ACSS3: variants seen among roughly 807,000 people sequenced by gnomAD.
ACSS3 encodes acyl-CoA synthetase short chain family member 3, also known as acyl-CoA synthetase short-chain family member 3, mitochondrial.
Under a neutral mutation model 84.2 loss-of-function variants are expected in ACSS3, and 64 were observed. The observed-to-expected ratio is 0.76, with a 90% CI of 0.62 to 0.94. ACSS3 has a LOEUF of 0.94. Ranked by LOEUF, ACSS3 falls within the 40% of genes least tolerant of loss-of-function variation. The probability of loss-of-function intolerance (pLI) is 0.00; values close to 1 mark genes in which losing one functional copy is unlikely to be tolerated. For missense variants in ACSS3, 815 were observed against 867.6 expected (o/e 0.94, Z 0.76); for synonymous variants, 317 against 310.1 (o/e 1.02, Z -0.23).
At chr12:81,207,741 A>C (rs2135918361) in intron 9 of ACSS3, among the ~76,000 whole-genome samples, 1 of 152,228 alleles carries the variant, frequency 6.6e-6, no homozygotes, top group South Asian at 2.1e-4. Flanking sequence ...TAGCTAGTTG[A>C]CATTAGAACC....
chr12:81,157,037 CA>C (rs201772671), intron 7 of ACSS3, among the ~76,000 whole-genome samples: 81 of 149,826 alleles, frequency 5.4e-4, no homozygotes, highest in African/African-American at 5.4e-4. Context: ...AAGTCAACGA[CA>C]AAAAAAAATA....
intron 8 of ACSS3, among the ~76,000 whole-genome samples, chr12:81,175,891 A>C (rs142572760): frequency 8.6e-4 from 131 of 152,284 alleles, no homozygotes; most frequent in African/African-American, 3.1e-3. Context: ...ACATGCCCAT[A>C]AAAAAGTTAG....
chr12:81,090,709 C>T (rs1217683626), intron 1 of ACSS3, among the ~76,000 whole-genome samples: 1 of 151,978 alleles, frequency 6.6e-6, no homozygotes, highest in Non-Finnish European at 1.5e-5. Flanking sequence ...TTTGCCTCTC[C>T]TTAGCTCATT....
chr12:81,211,995 T>C (rs2032611565), intron 9 of ACSS3, among the ~76,000 whole-genome samples: 1 of 152,194 alleles, frequency 6.6e-6, no homozygotes, highest in Admixed American at 6.5e-5. Context: ...CCTTCTCTTA[T>C]ATTCTTTTCC....
Position 81,259,630 on chromosome 12 carries a change from C to T in ACSS3, c.*4708C>T. 6.5e-7 allele frequency: 1 copy of T among 1,533,886 alleles called. No individual in the cohort carries two copies. Among genetic ancestry groups the T allele is most frequent in the Non-Finnish European group, 8.7e-7 (1 of 1,145,132 alleles). ...GCTCGTCTTCTTAGATGGTAGTGCACTTTAGGTAGAGTAGACTGAAAAGAC... is the reference window on the plus strand; with the variant it reads ...GCTCGTCTTCTTAGATGGTAGTGCATTTTAGGTAGAGTAGACTGAAAAGAC... On this transcript the variant is annotated 3_prime_UTR_variant, in exon 16 of 16. Coordinates refer to ENST00000548058, the MANE Select transcript of ACSS3 (RefSeq NM_024560.4).
intron 8 of ACSS3, among the ~76,000 whole-genome samples, chr12:81,196,195 A>T (rs1041773702): frequency 6.6e-6 from 1 of 152,130 alleles, no homozygotes; most frequent in African/African-American, 2.4e-5. Flanking sequence ...TTCTTCCTCC[A>T]GGCCAGTATA....
In ACSS3 at chr12:81,216,989, A is replaced by G. The variant is rs368353331; in HGVS notation, c.1443A>G (p.Gly481=). 1.1e-5 allele frequency: 18 copies of G among 1,608,568 alleles called. No homozygotes were observed. The highest frequency in any genetic ancestry group is 2.7e-5 in the African/African-American group (2 of 74,744). Reference sequence around the variant, plus strand: ...GGCAAGCAGGAAAAAGCGTCCCAGGATACAATGGTAAGGAATGACCCTGAT... The same window carrying G: ...GGCAAGCAGGAAAAAGCGTCCCAGGGTACAATGGTAAGGAATGACCCTGAT... ...PPGQAGKSVP[G]YNVMILDDNM... The change falls in exon 10 of 16, where the codon GGA becomes GGG. Residue 481 remains glycine (G), a synonymous_variant. Coordinates refer to ENST00000548058, the MANE Select transcript of ACSS3 (RefSeq NM_024560.4).
intron 7 of ACSS3, among the ~76,000 whole-genome samples, chr12:81,166,820 T>A (rs747305504): frequency 1.3e-5 from 2 of 152,242 alleles, no homozygotes; most frequent in Non-Finnish European, 1.5e-5. Flanking sequence ...TCAGGTTGAA[T>A]CGTAGTATGC....
At chr12:81,095,778 A>C (rs1315681557) in intron 1 of ACSS3, among the ~76,000 whole-genome samples, 1 of 152,184 alleles carries the variant, frequency 6.6e-6, no homozygotes, top group East Asian at 1.9e-4. Flanking sequence ...TTTCATGTCG[A>C]GATGGGACAA....
At chr12:81,244,653 C>T (rs1252142336) in intron 13 of ACSS3, among the ~76,000 whole-genome samples, 1 of 152,112 alleles carries the variant, frequency 6.6e-6, no homozygotes, top group African/African-American at 2.4e-5. Flanking sequence ...ATCTAGTTTA[C>T]AAATAAGTCC....
intron 5 of ACSS3, among the ~76,000 whole-genome samples, chr12:81,144,954 G>T (rs1886259877): frequency 7.3e-6 from 1 of 137,304 alleles, no homozygotes; most frequent in Non-Finnish European, 1.5e-5. Context: ...AGGCTGGAGT[G>T]CAGTGGCGCG....
Position 81,078,180 on chromosome 12 carries a change from C to A in ACSS3, c.60C>A (p.Pro20=). The change falls in exon 1 of 16, where the codon CCC becomes CCA. Residue 20 remains proline (P), a synonymous_variant. Coordinates refer to ENST00000548058, the MANE Select transcript of ACSS3 (RefSeq NM_024560.4). ...KVTSAGGLGG[P]LPGSSPARGA... The stretch of plus-strand genomic sequence containing the variant: ...CCAGCGCCGGGGGGCTCGGAGGGCC[C>A]TTGCCTGGGTCCTCTCCGGCCCGGG... 1 of 1,540,106 alleles carries A rather than the reference C, an allele frequency of 6.5e-7. No individual in the cohort carries two copies. The highest frequency in any genetic ancestry group is 8.7e-7 in the Non-Finnish European group (1 of 1,147,746).
intron 12 of ACSS3, among the ~76,000 whole-genome samples, chr12:81,232,562 A>T (rs2033501679): frequency 6.6e-6 from 1 of 151,676 alleles, no homozygotes; most frequent in South Asian, 2.1e-4. Flanking sequence ...AGAGCTCAGG[A>T]TGTGCCAGAG....
intron 11 of ACSS3, among the ~76,000 whole-genome samples, chr12:81,226,830 C>T (rs940636657): frequency 4.0e-5 from 6 of 151,830 alleles, no homozygotes; most frequent in African/African-American, 1.2e-4. Flanking sequence ...CAATTCATCA[C>T]ACCAGCTTTA....
In ACSS3 at chr12:81,259,551, TAA is replaced by T; in HGVS notation, c.*4630_*4631del. The T allele has an allele frequency of 7.5e-7, 1 of 1,340,320 alleles. No homozygotes were observed. Among genetic ancestry groups the T allele is most frequent in the Non-Finnish European group, 1.0e-6 (1 of 978,958 alleles). 83.0% of individuals were successfully genotyped at this position (1,340,320 alleles called of 1,614,324 possible). ...AAAAATCACATTTTTCAGCTTTTAA[TAA>T]GTCATGACGTCATTATTTCCTTAGA... On this transcript the variant is annotated 3_prime_UTR_variant, in exon 16 of 16. Transcript: ENST00000548058.
chr12:81,252,568 A>C (rs1430436642), intron 13 of ACSS3, among the ~76,000 whole-genome samples: 1 of 152,090 alleles, frequency 6.6e-6, no homozygotes, highest in Non-Finnish European at 1.5e-5. Context: ...TCAGAAAAAA[A>C]ATTTTGAATA....
At chr12:81,177,720 C>T (rs1293737771) in intron 8 of ACSS3, among the ~76,000 whole-genome samples, 1 of 152,118 alleles carries the variant, frequency 6.6e-6, no homozygotes, top group Non-Finnish European at 1.5e-5. Context: ...AAAATGCTCA[C>T]CATCACTGGC....
At chr12:81,139,452 A>C (rs1380225443) in intron 4 of ACSS3, among the ~76,000 whole-genome samples, 187 bp downstream of exon 4, 1 of 151,944 alleles carries the variant, frequency 6.6e-6, no homozygotes, top group African/African-American at 2.4e-5. Flanking sequence ...AAACCAAAAG[A>C]GTGAAACACA....
At chr12:81,195,742 T>C (rs916181885) in intron 8 of ACSS3, among the ~76,000 whole-genome samples, 2 of 152,098 alleles carry the variant, frequency 1.3e-5, no homozygotes, top group African/African-American at 4.8e-5. Flanking sequence ...TCACAAAAGT[T>C]ATTCAAAAAA....
Sources: gnomAD v4.1 joint callset for allele counts (sites outside exome capture counted in the v4.1 genomes callset) on GRCh38, gnomAD v4.1.1 for gene constraint, MANE v1.5 for transcripts, NCBI Gene and HGNC (gene_info 2026-07-23, HGNC 2026-07-21) for gene names.